The following ATP6V0A1 variants were observed in gnomAD, a reference collection of about 807,000 sequenced individuals.
ATP6V0A1 encodes the protein V-type proton ATPase 116 kDa subunit a 1.
In ATP6V0A1, 43 loss-of-function variants were observed where a neutral mutation model predicts 105.4. The observed-to-expected ratio is 0.41, with a 90% confidence interval of 0.32 to 0.53. The LOEUF (loss-of-function observed/expected upper bound fraction) is 0.53, where lower values mean the gene tolerates loss of function less well. Among genes scored for constraint, ATP6V0A1 ranks in the 20% least tolerant of loss-of-function variants. ATP6V0A1 has a pLI of 0.30. For synonymous variants in ATP6V0A1, 362 were observed against 372.8 expected, an observed-to-expected ratio of 0.97 and a Z score of 0.33; for missense variants, 676 against 1,051.1, an observed-to-expected ratio of 0.64 and a Z score of 4.93.
intron 14 of ATP6V0A1, among the ~76,000 whole-genome samples, chr17:42,498,599 G>A (rs1039354462): frequency 3.9e-5 from 6 of 151,906 alleles, no homozygotes; most frequent in Admixed American, 1.3e-4. Flanking sequence ...AGGCTGAGGC[G>A]GGCGAATCAC....
intron 21 of ATP6V0A1, chr17:42,520,456 C>A (rs746384934): frequency 1.8e-5 from 8 of 456,556 alleles, no homozygotes; most frequent in South Asian, 1.2e-4. Flanking sequence ...AGAATTCTTT[C>A]TCAGATGTTT....
Position 42,483,057 on chromosome 17 carries a change from C to A in ATP6V0A1, c.736C>A (p.Pro246Thr). The change falls in exon 9 of 22, where the codon CCC (proline) becomes ACC (threonine). Residue 246 changes from proline to threonine, a missense_variant. By Grantham distance (38) the Pro-to-Thr change is conservative. Around this residue, in one of 3 missense-constraint regions of ATP6V0A1, gnomAD observed 239 missense variants for 388.4 expected, o/e 0.62. Coordinates refer to ENST00000343619, the MANE Select transcript of ATP6V0A1 (RefSeq NM_001130021.3). ...TTCCAGGTTCCGAGCCTCACTCTAT[C>A]CCTGTCCTGAGACACCACAGGAGAG... ...ICEGFRASLYPCPETPQERKE... is the reference protein window; with the variant it reads ...ICEGFRASLYTCPETPQERKE... 6.4e-7 allele frequency: 1 copy of A among 1,558,390 alleles called. No homozygotes were observed. Among genetic ancestry groups the A allele is most frequent in the South Asian group, 1.2e-5 (1 of 81,510 alleles).
At chr17:42,514,744 T>A (rs1245346564) in intron 21 of ATP6V0A1, among the ~76,000 whole-genome samples, 2 of 152,156 alleles carry the variant, frequency 1.3e-5, no homozygotes. Flanking sequence ...GTGCTCCTGA[T>A]TTTGGCTTAA....
Position 42,514,308 on chromosome 17 carries a change from G to T in ATP6V0A1, c.2268G>T (p.Trp756Cys). 6.2e-7 allele frequency: 1 copy of T among 1,605,258 alleles called. No homozygotes were observed. Among genetic ancestry groups the T allele is most frequent in the Non-Finnish European group, 8.5e-7 (1 of 1,175,644 alleles). The change falls in exon 21 of 22, where the codon TGG becomes TGT. Residue 756 changes from tryptophan to cysteine, a missense_variant. Physicochemically the swap from Trp to Cys is radical, Grantham distance 215 (BLOSUM62 -2). Around this residue, in one of 3 missense-constraint regions of ATP6V0A1, gnomAD observed 435 missense variants for 642.2 expected, o/e 0.68. Coordinates refer to ENST00000343619, the MANE Select transcript of ATP6V0A1 (RefSeq NM_001130021.3). ...CCCCAGAGCTGTCTGAGGTGCTTTG[G>T]ACCATGGTGATCCACATCGGCCTGA... ...LAHAQLSEVLWTMVIHIGLSV... is the reference protein window; with the variant it reads ...LAHAQLSEVLCTMVIHIGLSV...
intron 21 of ATP6V0A1, among the ~76,000 whole-genome samples, chr17:42,517,321 G>A (rs189582113): frequency 6.0e-4 from 92 of 152,158 alleles, no homozygotes; most frequent in African/African-American, 2.0e-3. Context: ...AACCTGGGAT[G>A]CCCTAGAGAG....
At chr17:42,474,655 T>TA (rs2088490642) in intron 5 of ATP6V0A1, among the ~76,000 whole-genome samples, 1 of 152,234 alleles carries the variant, frequency 6.6e-6, no homozygotes, top group East Asian at 1.9e-4. Flanking sequence ...TTAGGATTTT[T>TA]AATGAGATTT....
intron 9 of ATP6V0A1, among the ~76,000 whole-genome samples, chr17:42,483,995 G>A (rs1598845528): frequency 6.6e-6 from 1 of 152,232 alleles, no homozygotes; most frequent in East Asian, 1.9e-4. Context: ...TGGGATTATA[G>A]GCGTGAGCCA....
At position 42,490,638 on chromosome 17, in the gene ATP6V0A1, G is replaced by T; in HGVS notation, c.1174+1G>T. On this transcript the variant is annotated splice_donor_variant, in intron 11 of 21. Transcript: ENST00000343619. LOFTEE classifies it high-confidence loss of function. ...GGAACTTACCGAGAGATAAATCCAG[G>T]TAAAAAAAAGCTTGTTATCTTTTTC... The T allele has an allele frequency of 6.3e-7, 1 of 1,578,384 alleles. No homozygotes were observed. The highest frequency in any genetic ancestry group is 8.6e-7 in the Non-Finnish European group (1 of 1,168,790).
intron 21 of ATP6V0A1, among the ~76,000 whole-genome samples, chr17:42,515,679 T>A (rs1007986452): frequency 4.6e-5 from 7 of 151,612 alleles, no homozygotes; most frequent in African/African-American, 1.7e-4. Flanking sequence ...TCTCAGCTAC[T>A]TGGGAGGCTG....
chr17:42,499,180 T>A, intron 15 of ATP6V0A1, 138 bp downstream of exon 15: 1 of 705,612 alleles, frequency 1.4e-6, no homozygotes, highest in Non-Finnish European at 2.4e-6. Flanking sequence ...TCTAAAAATT[T>A]AATGGTGTGG....
In ATP6V0A1 at chr17:42,505,187, C is replaced by T. The variant is rs2146194702; in HGVS notation, c.2005-2333C>T. 1.3e-5 allele frequency among the ~76,000 whole-genome samples: 2 copies of T among 152,000 alleles called. 1 individual carries two copies. The highest frequency in any genetic ancestry group is 6.8e-3 in the Middle Eastern group (2 of 292). On this transcript the variant is annotated intron_variant, in intron 17 of 21. Coordinates refer to ENST00000343619, the MANE Select transcript of ATP6V0A1 (RefSeq NM_001130021.3). Reference sequence around the variant, plus strand: ...AGTAGCTAGGATTATGGGCATGCACCACTACGCCTGGCTAATTTTTGTTTT... The same window carrying T: ...AGTAGCTAGGATTATGGGCATGCACTACTACGCCTGGCTAATTTTTGTTTT...
At chr17:42,482,637 C>A (rs556635170) in intron 8 of ATP6V0A1, among the ~76,000 whole-genome samples, 1 of 151,654 alleles carries the variant, frequency 6.6e-6, no homozygotes, top group African/African-American at 2.4e-5. Flanking sequence ...TGGCTCATGC[C>A]TGTAATCTCA....
At chr17:42,517,434 G>A (rs1189852720) in intron 21 of ATP6V0A1, among the ~76,000 whole-genome samples, 1 of 152,152 alleles carries the variant, frequency 6.6e-6, no homozygotes, top group Non-Finnish European at 1.5e-5. Context: ...ATGCCCTCAG[G>A]TGCTGTTTGC....
intron 2 of ATP6V0A1, among the ~76,000 whole-genome samples, chr17:42,462,409 TTTG>T (rs1452395691): frequency 1.3e-5 from 2 of 151,968 alleles, no homozygotes; most frequent in Admixed American, 1.3e-4. Flanking sequence ...ATGTGTGGTT[TTTG>T]TTGTTGTTGT....
chr17:42,467,223 T>C (rs2087203581), intron 3 of ATP6V0A1, among the ~76,000 whole-genome samples: 1 of 152,212 alleles, frequency 6.6e-6, no homozygotes, highest in South Asian at 2.1e-4. Context: ...CATTACTTTA[T>C]TCATTCTCCA....
At chr17:42,465,709 A>G (rs1480230468) in intron 2 of ATP6V0A1, among the ~76,000 whole-genome samples, 1 of 151,294 alleles carries the variant, frequency 6.6e-6, no homozygotes, top group Non-Finnish European at 1.5e-5. Flanking sequence ...CATGCCTGCA[A>G]TCCCAGCACT....
intron 19 of ATP6V0A1, among the ~76,000 whole-genome samples, chr17:42,512,529 T>G (rs569436092): frequency 6.6e-6 from 1 of 152,144 alleles, no homozygotes; most frequent in Admixed American, 6.5e-5. Flanking sequence ...ACCCTAGTTT[T>G]CAGGGTAAGT....
At chr17:42,517,553 T>G (rs1367839030) in intron 21 of ATP6V0A1, among the ~76,000 whole-genome samples, 1 of 152,172 alleles carries the variant, frequency 6.6e-6, no homozygotes, top group African/African-American at 2.4e-5. Flanking sequence ...GAATCTCGTC[T>G]TTGGAGGGCT....
At chr17:42,497,880 C>T (rs1200798336) in intron 14 of ATP6V0A1, among the ~76,000 whole-genome samples, 2 of 145,436 alleles carry the variant, frequency 1.4e-5, no homozygotes, top group Admixed American at 7.0e-5. Context: ...TGCAATAGGC[C>T]GAGATTTCAC....
Sources: gnomAD v4.1 joint callset for allele counts (sites outside exome capture counted in the v4.1 genomes callset) on GRCh38, gnomAD v4.1.1 for gene constraint, gnomAD v4.1.1 regional missense constraint, MANE v1.5 for transcripts, NCBI Gene and HGNC (gene_info 2026-07-23, HGNC 2026-07-21) for gene names.